Variants in LAMA1 observed in about 807,000 individuals in gnomAD.
LAMA1 encodes the protein laminin subunit alpha 1.
In LAMA1, 219 loss-of-function variants were observed where a neutral mutation model predicts 348.7. That is an observed-to-expected ratio of 0.63 (90% CI 0.56 to 0.70). The LOEUF (loss-of-function observed/expected upper bound fraction) is 0.70, where lower values mean the gene tolerates loss of function less well. LAMA1 is among the 30% of genes least tolerant of loss of function. LAMA1 has a pLI of 0.00. For synonymous variants in LAMA1, 1,487 were observed against 1,491.0 expected (o/e 1.00, Z 0.06); for missense variants, 3,744 against 3,888.0 (o/e 0.96, Z 0.99).
At chr18:7,029,082 A>G (rs2057957100) in intron 16 of LAMA1, among the ~76,000 whole-genome samples, 1 of 152,218 alleles carries the variant, frequency 6.6e-6, no homozygotes, top group Non-Finnish European at 1.5e-5. Context: ...AATTGTAAGC[A>G]TTTGTATTAC....
chr18:7,012,611 T>A (rs1006032248), intron 23 of LAMA1, among the ~76,000 whole-genome samples: 1 of 150,718 alleles, frequency 6.6e-6, no homozygotes, highest in African/African-American at 2.4e-5. Flanking sequence ...GTTCAAGCGA[T>A]TCTCCTGCCT....
At chr18:6,951,663 A>T (rs112762052) in intron 57 of LAMA1, among the ~76,000 whole-genome samples, 131 of 12,416 alleles carry the variant, frequency 0.011, 1 homozygote, top group African/African-American at 0.017. Flanking sequence ...TCAGGGGGTC[A>T]GGGGTGAAGC....
At chr18:6,996,639 CATG>C (rs2057782535) in intron 33 of LAMA1, among the ~76,000 whole-genome samples, 1 of 151,930 alleles carries the variant, frequency 6.6e-6, no homozygotes, top group African/African-American at 2.4e-5. Context: ...ACTAGCCAGG[CATG>C]GTGGTGTGTG....
intron 51 of LAMA1, among the ~76,000 whole-genome samples, chr18:6,963,410 G>A (rs2057617773): frequency 6.6e-6 from 1 of 152,150 alleles, no homozygotes; most frequent in Non-Finnish European, 1.5e-5. Flanking sequence ...GTAAGACTTC[G>A]CAAGTGACCA....
In LAMA1 at chr18:6,974,876, C is replaced by T. The variant is rs373085671; in HGVS notation, c.6623+27G>A. ...ATGAGACACACTTTAAAAAAGAGAG[C>T]TGCTTTGAGAGAACATTCTCTTCTA... On this transcript the variant is annotated intron_variant, in intron 46 of 62. Coordinates refer to ENST00000389658, the MANE Select transcript of LAMA1 (RefSeq NM_005559.4). The T allele has an allele frequency of 1.2e-4, 201 of 1,613,664 alleles. 1 individual carries two copies. Among genetic ancestry groups the T allele is most frequent in the Non-Finnish European group, 1.6e-4 (190 of 1,179,752 alleles).
At chr18:7,026,437 G>C (rs776252791) in intron 16 of LAMA1, among the ~76,000 whole-genome samples, 12 of 152,204 alleles carry the variant, frequency 7.9e-5, no homozygotes, top group Non-Finnish European at 1.6e-4. Flanking sequence ...CTGATGAAGA[G>C]TGGGATATGC....
In LAMA1 at chr18:6,999,648, G is replaced by A. The variant is rs2057798791; in HGVS notation, c.4470-10C>T. 6.2e-7 allele frequency: 1 copy of A among 1,604,084 alleles called. No homozygotes were observed. The highest frequency in any genetic ancestry group is 1.1e-5 in the South Asian group (1 of 89,740). ...ATAGCTTGAGGAGCACCTACAGAAA[G>A]GAAGGGACATAGGTGCAGACAGGAT... On this transcript the variant is annotated splice_polypyrimidine_tract_variant and intron_variant, in intron 31 of 62. Coordinates refer to ENST00000389658, the MANE Select transcript of LAMA1 (RefSeq NM_005559.4).
In LAMA1 at chr18:6,988,521, C is replaced by T. The variant is rs146695470; in HGVS notation, c.5169-2174G>A. 2.1e-4 allele frequency among the ~76,000 whole-genome samples: 32 copies of T among 152,304 alleles called. No individual in the cohort carries two copies. The East Asian group carries it at 4.8e-3, about 23-fold the overall frequency. On this transcript the variant is annotated intron_variant, in intron 36 of 62. Coordinates refer to ENST00000389658, the MANE Select transcript of LAMA1 (RefSeq NM_005559.4). ...GCTTCTTTAATGACATATCTTTGGT[C>T]GGGCGCAGTGGCTCATGCCTGTAAT...
chr18:7,025,924 T>G, intron 17 of LAMA1, 55 bp downstream of exon 17: 1 of 1,567,136 alleles, frequency 6.4e-7, no homozygotes, highest in Admixed American at 1.9e-5. Flanking sequence ...AGTACGCATC[T>G]GGGTGGGAAT....
intron 57 of LAMA1, 49 bp from the exon 58 acceptor site, chr18:6,951,020 A>G: frequency 1.3e-6 from 2 of 1,548,672 alleles, no homozygotes; most frequent in South Asian, 1.2e-5. Context: ...TTTACTTTTC[A>G]TTTTTAAAAC....
intron 60 of LAMA1, among the ~76,000 whole-genome samples, chr18:6,947,685 G>C (rs2057528466): frequency 6.6e-6 from 1 of 152,158 alleles, no homozygotes; most frequent in Admixed American, 6.5e-5. Flanking sequence ...CCTAGTATCT[G>C]TGTACTTGTG....
chr18:7,115,814 C>CAAAACAAAAAA (rs58813825), intron 1 of LAMA1, among the ~76,000 whole-genome samples: 2,835 of 94,656 alleles, frequency 0.03, 200 homozygotes, highest in Admixed American at 0.061. Flanking sequence ...ACTAAAAATA[C>CAAAACAAAAAA]AAAAAAAAAA....
At position 6,960,244 on chromosome 18, in the gene LAMA1, A is replaced by G. The variant is rs117431867; in HGVS notation, c.7627-752T>C. On this transcript the variant is annotated intron_variant, in intron 53 of 62. Transcript: ENST00000389658. Reference sequence around the variant, plus strand: ...CATATGTTCATAGCAGCATTTATTCATAATAGCTAAAAGGCAGAAATGCCC... The same window carrying G: ...CATATGTTCATAGCAGCATTTATTCGTAATAGCTAAAAGGCAGAAATGCCC... The G allele has an allele frequency of 6.1e-3, 947 of 154,256 alleles. 5 individuals carry two copies. The highest frequency in any genetic ancestry group is 0.01 in the Non-Finnish European group (712 of 69,366). The allele number at this position is 154,256 out of a possible 1,614,324, so 9.6% of individuals were successfully genotyped here.
At chr18:7,080,609 T>A (rs1291372868) in intron 1 of LAMA1, 152 bp from the exon 2 acceptor site, 5 of 842,820 alleles carry the variant, frequency 5.9e-6, no homozygotes, top group Non-Finnish European at 9.6e-6. Flanking sequence ...CGCAGCATGG[T>A]TTCATCTATA....
rs118004802 is a variant in LAMA1, at chr18:7,068,150, G to T, written c.345+11825C>A. Among the ~76,000 whole-genome samples the T allele has an allele frequency of 0.018, 2,810 of 152,254 alleles. 139 individuals carry two copies. In the East Asian group the frequency reaches 0.22, roughly 12 times the overall value. On this transcript the variant is annotated intron_variant, in intron 3 of 62. Transcript: ENST00000389658. ...TTACAGGCGTGAGCCACCGCGCCCG[G>T]CCTGCATTGTTTCTCTGAGCCACGA...
chr18:7,101,170 G>A (rs2058289829), intron 1 of LAMA1, among the ~76,000 whole-genome samples: 1 of 152,166 alleles, frequency 6.6e-6, no homozygotes, highest in African/African-American at 2.4e-5. Flanking sequence ...ATACCAGACT[G>A]TGATTGTATA....
In LAMA1 at chr18:7,018,447, G is replaced by A. The variant is rs1172276869; in HGVS notation, c.2702-1063C>T. Among the ~76,000 whole-genome samples, 3 of 147,194 alleles carry A rather than the reference G, an allele frequency of 2.0e-5. No individual in the cohort carries two copies. The East Asian group carries it at 6.1e-4, about 30-fold the overall frequency. ...GTGTCACTCTGTCACCCAGGCTGGAGTGCAGTGGCGTGATCTCAGCTCACT... is the reference window on the plus strand; with the variant it reads ...GTGTCACTCTGTCACCCAGGCTGGAATGCAGTGGCGTGATCTCAGCTCACT... On this transcript the variant is annotated intron_variant, in intron 19 of 62. Coordinates refer to ENST00000389658, the MANE Select transcript of LAMA1 (RefSeq NM_005559.4).
At chr18:7,017,417 T>C in intron 19 of LAMA1, 33 bp from the exon 20 acceptor site, 1 of 1,468,702 alleles carries the variant, frequency 6.8e-7, no homozygotes, top group East Asian at 2.3e-5. Flanking sequence ...ATATTAACCC[T>C]CACTTCTGAG....
rs1047233198 is a variant in LAMA1, at chr18:7,103,439, G to A, written c.61+14221C>T. 2.6e-5 allele frequency among the ~76,000 whole-genome samples: 4 copies of A among 151,580 alleles called. No individual in the cohort carries two copies. The South Asian group carries it at 8.4e-4, about 32-fold the overall frequency. ...AAATAAAAAAAATAATGTGAGCAGA[G>A]GCCTTGGTTCCAAAAGTTCTATCCA... On this transcript the variant is annotated intron_variant, in intron 1 of 62. Coordinates refer to ENST00000389658, the MANE Select transcript of LAMA1 (RefSeq NM_005559.4).
Sources: allele counts gnomAD v4.1 joint callset (sites outside exome capture counted in the v4.1 genomes callset), GRCh38; gene constraint gnomAD v4.1.1; transcripts MANE v1.5; gene names NCBI Gene and HGNC (gene_info 2026-07-23, HGNC 2026-07-21).